The following LETM2 variants were observed in gnomAD, a reference collection of about 807,000 sequenced individuals.
LETM2 encodes the protein leucine zipper and EF-hand containing transmembrane protein 2, also known as LETM1 domain-containing protein LETM2, mitochondrial.
Under a neutral mutation model 59.6 loss-of-function variants are expected in LETM2, and 58 were observed. That is an observed-to-expected ratio of 0.97 (90% CI 0.79 to 1.21). The LOEUF is 1.21. Among genes scored for constraint, LETM2 ranks in the 50% most tolerant of loss-of-function variants. The pLI is 0.00. For missense variants in LETM2, 572 were observed against 575.7 expected, an observed-to-expected ratio of 0.99 and a Z score of 0.07; for synonymous variants, 199 against 214.1, an observed-to-expected ratio of 0.93 and a Z score of 0.62.
In LETM2 at chr8:38,404,446, C is replaced by G. The variant is rs1813536587; in HGVS notation, c.1158C>G (p.Ser386=). The G allele has an allele frequency of 2.5e-6, 4 of 1,614,092 alleles. No homozygotes were observed. Among genetic ancestry groups the G allele is most frequent in the Non-Finnish European group, 3.4e-6 (4 of 1,179,974 alleles). Residue 386 remains serine, a synonymous_variant, in exon 8 of 11, where the codon TCC becomes TCG. Transcript: ENST00000379957. ...ENVPPSLLLL[S]RTFYLIDVKP... ...TCCCTCCTTCCCTTTTGCTCCTGTC[C>G]CGCACCTTCTACCTGATAGATGTGA...
chr8:38,402,502 T>C, intron 6 of LETM2, 23 bp from the exon 7 acceptor site: 2 of 1,612,668 alleles, frequency 1.2e-6, no homozygotes, highest in Non-Finnish European at 1.7e-6. Flanking sequence ...AAGTTCCAAC[T>C]CCATCCCTTA....
intron 4 of LETM2, among the ~76,000 whole-genome samples, chr8:38,395,669 C>T (rs1812627477): frequency 1.3e-5 from 2 of 152,114 alleles, no homozygotes; most frequent in African/African-American, 4.8e-5. Flanking sequence ...GTGTCCACCA[C>T]TGCACCTGGC....
Position 38,408,375 on chromosome 8 carries a change from G to C in LETM2, c.*101G>C. The C allele has an allele frequency of 1.9e-6, 2 of 1,047,840 alleles. No individual in the cohort carries two copies. Among genetic ancestry groups the C allele is most frequent in the Non-Finnish European group, 2.9e-6 (2 of 697,744 alleles). The allele number at this position is 1,047,840 out of a possible 1,614,324, so 64.9% of individuals were successfully genotyped here. ...ATAAGACTGTCTGGCTTCAGAGAGC[G>C]GATCAGCTGTTTAGCCCGTGGGGCA... On this transcript the variant is annotated 3_prime_UTR_variant, in exon 11 of 11. Transcript: ENST00000379957.
intron 8 of LETM2, 90 bp downstream of exon 8, chr8:38,404,596 C>G (rs748981095): frequency 3.6e-6 from 3 of 828,566 alleles, no homozygotes; most frequent in Non-Finnish European, 4.1e-6. Flanking sequence ...TTAGAGCAGG[C>G]ATTTCTTTTG....
chr8:38,396,227 G>A (rs186138218), intron 4 of LETM2, among the ~76,000 whole-genome samples: 364 of 151,366 alleles, frequency 2.4e-3, no homozygotes, highest in African/African-American at 8.5e-3. Context: ...GCAATGGTGC[G>A]ATCTCGGCTC....
chr8:38,409,383 A>C lies in LETM2; in HGVS notation c.*1109A>C, dbSNP rs760350811. 6.6e-6 allele frequency: 1 copy of C among 152,154 alleles called. No individual in the cohort carries two copies. The highest frequency in any genetic ancestry group is 1.5e-5 in the Non-Finnish European group (1 of 68,040). The allele number at this position is 152,154 out of a possible 1,614,324, so 9.4% of individuals were successfully genotyped here. A position where few individuals can be genotyped will look rare whatever the true frequency, so the allele number is the denominator to read the frequency against. On this transcript the variant is annotated 3_prime_UTR_variant, in exon 11 of 11. Coordinates refer to ENST00000379957, the MANE Select transcript of LETM2 (RefSeq NM_001286819.2). ...AATATGCATTCTACAATGCTTTCTAAATTTGTGCTCCATCAGAGAAGCCCC... is the reference window on the plus strand; with the variant it reads ...AATATGCATTCTACAATGCTTTCTACATTTGTGCTCCATCAGAGAAGCCCC...
At chr8:38,394,339 C>A in intron 4 of LETM2, 98 bp downstream of exon 4, 1 of 555,632 alleles carries the variant, frequency 1.8e-6, no homozygotes, top group Non-Finnish European at 3.0e-6. Flanking sequence ...TCTCCCCACC[C>A]AACCCCATCC....
chr8:38,386,177 A>G (rs933357921), upstream of LETM2: 2 of 152,248 alleles, frequency 1.3e-5, no homozygotes, highest in African/African-American at 2.4e-5. Context: ...ACTATCAGAC[A>G]TATTAAGCTG....
In LETM2 at chr8:38,404,445, C is replaced by T; in HGVS notation, c.1157C>T (p.Ser386Phe). The T allele has an allele frequency of 6.2e-7, 1 of 1,614,098 alleles. No homozygotes were observed. Among genetic ancestry groups the T allele is most frequent in the Non-Finnish European group, 8.5e-7 (1 of 1,179,998 alleles). The change falls in exon 8 of 11, where the codon TCC becomes TTC. Residue 386 changes from serine to phenylalanine, a missense_variant. By Grantham distance (155) the Ser-to-Phe change is radical. Transcript: ENST00000379957. ...GTCCCTCCTTCCCTTTTGCTCCTGT[C>T]CCGCACCTTCTACCTGATAGATGTG... ...ENVPPSLLLL[S>F]RTFYLIDVKP...
intron 7 of LETM2, among the ~76,000 whole-genome samples, chr8:38,403,038 C>T (rs141857881): frequency 3.8e-4 from 58 of 152,074 alleles, no homozygotes; most frequent in African/African-American, 1.3e-3. Context: ...CTGTGAGCCC[C>T]GGGCTACTCT....
chr8:38,395,820 G>A (rs1056487896), intron 4 of LETM2, among the ~76,000 whole-genome samples: 4 of 152,090 alleles, frequency 2.6e-5, no homozygotes, highest in East Asian at 1.9e-4. Context: ...CCAGCCCTTC[G>A]GTTGACTTTT....
At position 38,408,261 on chromosome 8, in the gene LETM2, CA is replaced by C; in HGVS notation, c.1467del (p.Gly490GlufsTer29). ...QMTAQNSKAS[S>X]KGA ...ACGGCCCAGAACAGCAAGGCTAGTT[CA>C]AAAGGAGCATAAAGGACTACTTGAG... On this transcript the variant is annotated frameshift_variant, in exon 11 of 11. Transcript: ENST00000379957. LOFTEE classifies it high-confidence loss of function. 6.2e-7 allele frequency: 1 copy of C among 1,612,776 alleles called. No homozygotes were observed. The highest frequency in any genetic ancestry group is 8.5e-7 in the Non-Finnish European group (1 of 1,179,430).
At position 38,406,970 on chromosome 8, in the gene LETM2, G is replaced by C. The variant is rs112380505; in HGVS notation, c.1243G>C (p.Glu415Gln). The C allele has an allele frequency of 8.7e-6, 14 of 1,610,760 alleles. 1 individual carries two copies. Among genetic ancestry groups the C allele is most frequent in the African/African-American group, 8.0e-5 (6 of 74,854 alleles). The change falls in exon 9 of 11, where the codon GAA becomes CAA. Residue 415 changes from glutamate to glutamine, a missense_variant. Transcript: ENST00000379957. ...GEAPKTDILV[E>Q]LPTFTESKEN... Reference sequence around the variant, plus strand: ...GGCTCCAAAGACTGATATTCTTGTGGAATTACCTACTTTCACTGAATCTAA... The same window carrying C: ...GGCTCCAAAGACTGATATTCTTGTGCAATTACCTACTTTCACTGAATCTAA...
upstream of LETM2, among the ~76,000 whole-genome samples, chr8:38,384,257 T>C (rs1367914640): frequency 6.6e-6 from 1 of 152,222 alleles, no homozygotes; most frequent in Non-Finnish European, 1.5e-5. Context: ...ATCTAGTAAA[T>C]TGTCCCCAGG....
At chr8:38,390,888 G>A (rs1233240825) in intron 2 of LETM2, among the ~76,000 whole-genome samples, 1 of 151,276 alleles carries the variant, frequency 6.6e-6, no homozygotes, top group Non-Finnish European at 1.5e-5. Context: ...TCACCATGTT[G>A]GCCAGGATGG....
intron 6 of LETM2, among the ~76,000 whole-genome samples, chr8:38,401,380 A>AC (rs1813211142): frequency 6.6e-6 from 1 of 151,904 alleles, no homozygotes; most frequent in Non-Finnish European, 1.5e-5. Flanking sequence ...CAAGTGATCC[A>AC]CCCGCCTCAG....
At chr8:38,399,009 C>T (rs777833808) in intron 4 of LETM2, among the ~76,000 whole-genome samples, 1 of 151,814 alleles carries the variant, frequency 6.6e-6, no homozygotes, top group Non-Finnish European at 1.5e-5. Flanking sequence ...GTGTGAGCCA[C>T]CTCATCCGGC....
chr8:38,387,490 A>T (rs558608292), intron 1 of LETM2, among the ~76,000 whole-genome samples: 61 of 152,330 alleles, frequency 4.0e-4, no homozygotes, highest in African/African-American at 1.1e-3. Context: ...CCACTGCTAC[A>T]TAAATTAGAT....
At chr8:38,382,941 A>G (rs1811638008), upstream of LETM2, 1 of 151,976 alleles carries the variant, frequency 6.6e-6, no homozygotes, top group Non-Finnish European at 1.5e-5. The surrounding 1 kb of genome is among the most constrained non-coding windows in gnomAD (Gnocchi z 4.2). Context: ...CGGCTCGCCG[A>G]GGGAGCGCCT....
Sources: gnomAD v4.1 joint callset for allele counts (sites outside exome capture counted in the v4.1 genomes callset) on GRCh38, gnomAD v4.1.1 for gene constraint, Gnocchi (gnomAD v3.1) non-coding constraint, MANE v1.5 for transcripts, NCBI Gene and HGNC (gene_info 2026-07-23, HGNC 2026-07-21) for gene names.